Variants in SCAPER observed in about 807,000 individuals in gnomAD.
The protein encoded by SCAPER is S-phase cyclin A associated protein in the ER.
A neutral mutation model predicts 182.2 loss-of-function variants in SCAPER; 98 were observed. That is an observed-to-expected ratio of 0.54 (90% CI 0.46 to 0.64). The LOEUF (loss-of-function observed/expected upper bound fraction) is 0.64, where lower values mean the gene tolerates loss of function less well. Ranked by LOEUF, SCAPER falls within the 30% of genes least tolerant of loss-of-function variation. SCAPER has a pLI of 0.00. For missense variants in SCAPER, 1,432 were observed against 1,690.0 expected, an observed-to-expected ratio of 0.85 and a Z score of 2.68; for synonymous variants, 605 against 564.6, an observed-to-expected ratio of 1.07 and a Z score of -1.01.
At chr15:76,398,797 G>T (rs975938045) in intron 27 of SCAPER, among the ~76,000 whole-genome samples, 5 of 152,084 alleles carry the variant, frequency 3.3e-5, no homozygotes, top group Non-Finnish European at 7.4e-5. Context: ...AATTATCCAG[G>T]TTTTATAAGT....
chr15:76,474,031 G>A (rs1166842103), intron 24 of SCAPER, among the ~76,000 whole-genome samples: 2 of 151,954 alleles, frequency 1.3e-5, no homozygotes, highest in Admixed American at 6.6e-5. Context: ...GGCTGGTCTC[G>A]AATTCCTGGC....
chr15:76,590,465 G>C (rs1368609051), intron 22 of SCAPER, among the ~76,000 whole-genome samples: 1 of 152,010 alleles, frequency 6.6e-6, no homozygotes, highest in Non-Finnish European at 1.5e-5. Context: ...CATAGACTTT[G>C]GCCCAAAAAA....
chr15:76,786,326 CAAA>C (rs35708368), intron 8 of SCAPER, among the ~76,000 whole-genome samples: 2 of 110,966 alleles, frequency 1.8e-5, no homozygotes, highest in Admixed American at 9.8e-5. Flanking sequence ...GACTCTGTCT[CAAA>C]AAAAAAAAAA....
intron 4 of SCAPER, among the ~76,000 whole-genome samples, chr15:76,850,981 A>G (rs1352357994): frequency 1.3e-5 from 2 of 152,104 alleles, no homozygotes; most frequent in Non-Finnish European, 2.9e-5. Context: ...ACAATACAGG[A>G]GCTAAGAAAT....
chr15:76,541,804 A>G (rs2044773097), intron 23 of SCAPER, among the ~76,000 whole-genome samples: 2 of 152,214 alleles, frequency 1.3e-5, no homozygotes, highest in Admixed American at 6.5e-5. Context: ...CCCTTTTCCT[A>G]TTACAGACAC....
intron 20 of SCAPER, among the ~76,000 whole-genome samples, chr15:76,686,162 T>C (rs763327416): frequency 6.6e-6 from 1 of 151,764 alleles, no homozygotes; most frequent in Non-Finnish European, 1.5e-5. Context: ...CCAATATACA[T>C]AACTAATAAA....
At chr15:76,840,197 C>T (rs142038157) in intron 5 of SCAPER, among the ~76,000 whole-genome samples, 3 of 152,076 alleles carry the variant, frequency 2.0e-5, no homozygotes, top group African/African-American at 4.8e-5. Flanking sequence ...GTAGGAGGAT[C>T]GCTTGAGCCC....
At chr15:76,711,394 T>G (rs192362331) in intron 17 of SCAPER, among the ~76,000 whole-genome samples, 42 of 152,198 alleles carry the variant, frequency 2.8e-4, no homozygotes, top group Admixed American at 2.6e-3. Flanking sequence ...AGAGAAGACA[T>G]ATGAACAGCT....
At chr15:76,405,476 T>C (rs562271506) in intron 26 of SCAPER, among the ~76,000 whole-genome samples, 14 of 152,256 alleles carry the variant, frequency 9.2e-5, no homozygotes, top group Non-Finnish European at 1.6e-4. Flanking sequence ...CTGTCACCAT[T>C]AACAGCATAA....
intron 5 of SCAPER, among the ~76,000 whole-genome samples, chr15:76,813,821 A>T (rs2066859184): frequency 6.6e-6 from 1 of 152,186 alleles, no homozygotes; most frequent in African/African-American, 2.4e-5. Context: ...AGCAGATGCA[A>T]ATAAACAGAA....
At chr15:76,631,622 T>G (rs1230333680) in intron 21 of SCAPER, among the ~76,000 whole-genome samples, 1 of 152,200 alleles carries the variant, frequency 6.6e-6, no homozygotes, top group Non-Finnish European at 1.5e-5. Flanking sequence ...CCCCAATCTT[T>G]TCTGGCTTGT....
intron 27 of SCAPER, among the ~76,000 whole-genome samples, chr15:76,390,008 G>C (rs573880707): frequency 2.0e-5 from 3 of 152,062 alleles, no homozygotes. Flanking sequence ...CCAGGCTGCA[G>C]TGTGGTGGCA....
chr15:76,518,966 C>A (rs145348609), intron 23 of SCAPER, among the ~76,000 whole-genome samples: 3 of 152,192 alleles, frequency 2.0e-5, no homozygotes, highest in African/African-American at 7.2e-5. Flanking sequence ...AACTTTAGAG[C>A]TACTCTGTGC....
intron 26 of SCAPER, among the ~76,000 whole-genome samples, chr15:76,406,593 G>A (rs1312245842): frequency 1.3e-5 from 2 of 150,278 alleles, no homozygotes; most frequent in Non-Finnish European, 1.5e-5. Flanking sequence ...GACTGGCCTG[G>A]GCAACATAGT....
intron 21 of SCAPER, among the ~76,000 whole-genome samples, chr15:76,636,983 T>TA (rs1234566253): frequency 1.3e-5 from 2 of 151,962 alleles, no homozygotes; most frequent in Admixed American, 6.6e-5. Context: ...CCATTTTATT[T>TA]TAAAAAAAAA....
intron 17 of SCAPER, among the ~76,000 whole-genome samples, chr15:76,712,789 G>A (rs1286048565): frequency 6.6e-6 from 1 of 151,738 alleles, no homozygotes; most frequent in Non-Finnish European, 1.5e-5. Flanking sequence ...CATTGATTTT[G>A]TATCCTGAGA....
intron 22 of SCAPER, among the ~76,000 whole-genome samples, chr15:76,614,873 A>G (rs1478948437): frequency 6.6e-6 from 1 of 152,200 alleles, no homozygotes; most frequent in Non-Finnish European, 1.5e-5. Flanking sequence ...ACCTTTAGCT[A>G]GATTGACTAT....
At chr15:76,649,976 G>A (rs1164922813) in intron 21 of SCAPER, among the ~76,000 whole-genome samples, 1 of 152,074 alleles carries the variant, frequency 6.6e-6, no homozygotes, top group Non-Finnish European at 1.5e-5. Context: ...AAAGATAACT[G>A]AAAGATTGGA....
intron 21 of SCAPER, among the ~76,000 whole-genome samples, chr15:76,629,728 T>C (rs1247022638): frequency 6.6e-6 from 1 of 152,164 alleles, no homozygotes; most frequent in African/African-American, 2.4e-5. Flanking sequence ...TCTTTTTTTG[T>C]TGTATCTGCG....
Sources: gnomAD v4.1 joint callset for allele counts (sites outside exome capture counted in the v4.1 genomes callset) on GRCh38, gnomAD v4.1.1 for gene constraint, MANE v1.5 for transcripts, NCBI Gene and HGNC (gene_info 2026-07-23, HGNC 2026-07-21) for gene names.